The following GRIK2 variants were observed in gnomAD, a reference collection of about 807,000 sequenced individuals.
GRIK2 encodes glutamate receptor ionotropic, kainate 2.
A neutral mutation model predicts 100.3 loss-of-function variants in GRIK2; 32 were observed. The ratio of observed to expected loss-of-function variants is 0.32; its 90% CI spans 0.24 to 0.43. The LOEUF (loss-of-function observed/expected upper bound fraction) is 0.43, where lower values mean the gene tolerates loss of function less well. Among genes scored for constraint, GRIK2 ranks in the 20% least tolerant of loss-of-function variants. The probability of loss-of-function intolerance (pLI) is 1.00; values close to 1 mark genes in which losing one functional copy is unlikely to be tolerated. For missense variants in GRIK2, 843 were observed against 1,114.9 expected (o/e 0.76, Z 3.47); for synonymous variants, 417 against 389.4 (o/e 1.07, Z -0.83).
chr6:101,761,506 CTA>C (rs1777664584), intron 7 of GRIK2, among the ~76,000 whole-genome samples: 1 of 152,108 alleles, frequency 6.6e-6, no homozygotes, highest in African/African-American at 2.4e-5. Flanking sequence ...CACACATGCT[CTA>C]TCTCTGTTGG....
At position 101,846,044 on chromosome 6, in the gene GRIK2, T is replaced by C. The variant is rs574655336; in HGVS notation, c.1318-13243T>C. ...TTGTTGTTGTTGTAGGAGTTCTTTATATATTCTGAATAGTAGAATATTATC... is the reference window on the plus strand; with the variant it reads ...TTGTTGTTGTTGTAGGAGTTCTTTACATATTCTGAATAGTAGAATATTATC... On this transcript the variant is annotated intron_variant, in intron 10 of 16. Coordinates refer to ENST00000369134, the MANE Select transcript of GRIK2 (RefSeq NM_021956.5). 6.6e-5 allele frequency among the ~76,000 whole-genome samples: 10 copies of C among 152,192 alleles called. No homozygotes were observed. The South Asian group carries it at 2.1e-3, about 32-fold the overall frequency.
intron 7 of GRIK2, among the ~76,000 whole-genome samples, chr6:101,776,753 C>T (rs1322310550): frequency 1.3e-5 from 2 of 152,104 alleles, no homozygotes; most frequent in African/African-American, 4.8e-5. Context: ...ATTCTGAGTT[C>T]AACTGAATTG....
chr6:101,865,444 G>T (rs550037643), intron 11 of GRIK2, among the ~76,000 whole-genome samples: 73 of 152,220 alleles, frequency 4.8e-4, no homozygotes, highest in African/African-American at 1.7e-3. Context: ...ACTTAAAAAG[G>T]CTCCAGGTAT....
intron 14 of GRIK2, among the ~76,000 whole-genome samples, chr6:101,943,936 T>G (rs1368627736): frequency 1.3e-5 from 2 of 152,096 alleles, no homozygotes; most frequent in African/African-American, 4.8e-5. Flanking sequence ...GGTGGAATGA[T>G]TGGTTTGGCT....
At chr6:102,046,423 C>T (rs748162558) in intron 15 of GRIK2, among the ~76,000 whole-genome samples, 10 of 151,926 alleles carry the variant, frequency 6.6e-5, no homozygotes, top group Non-Finnish European at 1.5e-4. Flanking sequence ...GGCAGATTTC[C>T]CCCATGCTCT....
At chr6:102,002,228 G>A (rs1794978279) in intron 14 of GRIK2, among the ~76,000 whole-genome samples, 1 of 149,760 alleles carries the variant, frequency 6.7e-6, no homozygotes, top group Non-Finnish European at 1.5e-5. Context: ...CTATCACAAT[G>A]AGCTTGATTT....
chr6:101,774,104 T>G (rs1426496364), intron 7 of GRIK2, among the ~76,000 whole-genome samples: 1 of 152,186 alleles, frequency 6.6e-6, no homozygotes, highest in East Asian at 1.9e-4. Context: ...TTTTAGGTTA[T>G]CAGTTTTTAT....
At chr6:101,893,592 A>T (rs1174661570) in intron 12 of GRIK2, among the ~76,000 whole-genome samples, 1 of 151,772 alleles carries the variant, frequency 6.6e-6, no homozygotes, top group East Asian at 1.9e-4. Flanking sequence ...CTTCTTAGCT[A>T]CCAAACCACA....
intron 7 of GRIK2, among the ~76,000 whole-genome samples, chr6:101,691,416 A>C (rs913763894): frequency 2.6e-5 from 4 of 151,144 alleles, no homozygotes; most frequent in Non-Finnish European, 5.9e-5. Flanking sequence ...CTTGCGCCTC[A>C]GCCTCCGAGT....
chr6:101,615,594 A>G (rs1779854174), intron 2 of GRIK2, among the ~76,000 whole-genome samples: 1 of 151,804 alleles, frequency 6.6e-6, no homozygotes, highest in Non-Finnish European at 1.5e-5. Flanking sequence ...CTCTCAGGAG[A>G]GCAATTATCT....
At chr6:101,740,412 C>G (rs757693452) in intron 7 of GRIK2, among the ~76,000 whole-genome samples, 53 of 150,912 alleles carry the variant, frequency 3.5e-4, no homozygotes, top group Non-Finnish European at 6.1e-4. Flanking sequence ...TACCCAATAA[C>G]AGCAATTTTT....
At chr6:101,796,864 A>G (rs1780338597) in intron 7 of GRIK2, among the ~76,000 whole-genome samples, 1 of 152,122 alleles carries the variant, frequency 6.6e-6, no homozygotes, top group Non-Finnish European at 1.5e-5. Context: ...TTATAGTTTA[A>G]TAATATTATC....
At chr6:101,684,429 AGCTGAACT>A (rs774305634) in intron 6 of GRIK2, among the ~76,000 whole-genome samples, 1 of 152,146 alleles carries the variant, frequency 6.6e-6, no homozygotes, top group Admixed American at 6.6e-5. Flanking sequence ...TCTCATTTAT[AGCTGAACT>A]GATGTGGATC....
chr6:101,848,703 A>G (rs1017356558), intron 10 of GRIK2, among the ~76,000 whole-genome samples: 1 of 152,212 alleles, frequency 6.6e-6, no homozygotes, highest in Non-Finnish European at 1.5e-5. Flanking sequence ...GCGGTAGTCA[A>G]TTATCAATAA....
At position 101,853,760 on chromosome 6, in the gene GRIK2, A is replaced by C. The variant is rs896178893; in HGVS notation, c.1318-5527A>C. 2.6e-5 allele frequency among the ~76,000 whole-genome samples: 4 copies of C among 152,170 alleles called. No individual in the cohort carries two copies. The South Asian group carries it at 8.3e-4, about 31-fold the overall frequency. On this transcript the variant is annotated intron_variant, in intron 10 of 16. Coordinates refer to ENST00000369134, the MANE Select transcript of GRIK2 (RefSeq NM_021956.5). ...ACTATGTAATATTATTCAGCAGAAA[A>C]CAGAAATGAGCTATCAAGCCATGAA...
chr6:101,512,072 A>G (rs1318129197), intron 2 of GRIK2, among the ~76,000 whole-genome samples: 1 of 151,494 alleles, frequency 6.6e-6, no homozygotes, highest in Non-Finnish European at 1.5e-5. Flanking sequence ...ATATATATAT[A>G]TATACACACA....
At position 101,694,047 on chromosome 6, in the gene GRIK2, G is replaced by A. The variant is rs183204176; in HGVS notation, c.951+7694G>A. ...ACACCCAGAAGAGGTGATGCCCAAT[G>A]CCCTGACAAGAGCATGAAGTCCAAC... On this transcript the variant is annotated intron_variant, in intron 7 of 16. Transcript: ENST00000369134. Among the ~76,000 whole-genome samples, 4 of 152,116 alleles carry A rather than the reference G, an allele frequency of 2.6e-5. No individual in the cohort carries two copies. In the East Asian group the frequency reaches 5.8e-4, roughly 22 times the overall value.
At chr6:101,949,159 A>T (rs1004565601) in intron 14 of GRIK2, among the ~76,000 whole-genome samples, 2 of 151,842 alleles carry the variant, frequency 1.3e-5, no homozygotes, top group African/African-American at 2.4e-5. Flanking sequence ...ATGGAAAGGG[A>T]GAATAAGAGA....
chr6:101,957,528 T>TTAAG (rs761061834), intron 14 of GRIK2, among the ~76,000 whole-genome samples: 106 of 152,020 alleles, frequency 7.0e-4, no homozygotes, highest in Middle Eastern at 3.4e-3. Flanking sequence ...ACTTTCTAGT[T>TTAAG]TAAGTCCCTT....
Sources: gnomAD v4.1 joint callset for allele counts (sites outside exome capture counted in the v4.1 genomes callset) on GRCh38, gnomAD v4.1.1 for gene constraint, MANE v1.5 for transcripts, NCBI Gene and HGNC (gene_info 2026-07-23, HGNC 2026-07-21) for gene names.